Variants in LCA5 observed in about 807,000 individuals in gnomAD.
The protein encoded by LCA5 is lebercilin.
In LCA5, 37 loss-of-function variants were observed where a neutral mutation model predicts 53.0. The ratio of observed to expected loss-of-function variants is 0.70; its 90% CI spans 0.54 to 0.92. The LOEUF is 0.92. Ranked by LOEUF, LCA5 falls within the 40% of genes least tolerant of loss-of-function variation. The pLI is 0.00. For missense variants in LCA5, 806 were observed against 790.5 expected, an observed-to-expected ratio of 1.02 and a Z score of -0.23; for synonymous variants, 303 against 282.9, an observed-to-expected ratio of 1.07 and a Z score of -0.71.
At chr6:79,531,088 C>G (rs1766946562) in intron 1 of LCA5, among the ~76,000 whole-genome samples, 1 of 152,092 alleles carries the variant, frequency 6.6e-6, no homozygotes, top group Admixed American at 6.6e-5. Flanking sequence ...GGTCTAAGAT[C>G]AGAAAGCTCC....
At position 79,487,734 on chromosome 6, in the gene LCA5, T is replaced by C; in HGVS notation, c.1364A>G (p.Gln455Arg). 3 of 1,613,966 alleles carry C rather than the reference T, an allele frequency of 1.9e-6. No homozygotes were observed. The highest frequency in any genetic ancestry group is 1.7e-6 in the Non-Finnish European group (2 of 1,179,910). Residue 455 changes from glutamine (Q) to arginine (R), a missense_variant, in exon 8 of 8, where the codon CAA (glutamine) becomes CGA (arginine). Physicochemically the swap from Gln to Arg is conservative, Grantham distance 43 (BLOSUM62 1). Coordinates refer to ENST00000369846, the MANE Select transcript of LCA5 (RefSeq NM_001122769.3). ...MYPIQNMDKL[Q>R]GEEEERLKRE... The stretch of plus-strand genomic sequence containing the variant: ...CTTCAGTCTTTCTTCTTCCTCTCCT[T>C]GCAATTTATCCATATTCTGAATTGG...
At position 79,492,606 on chromosome 6, in the gene LCA5, A is replaced by T; in HGVS notation, c.900T>A (p.Asn300Lys). The part of the protein sequence containing the change: ...RELDIKNIYS[N>K]RLPKSSPNKE... ...TATTTGGAGAGGACTTTGGCAGACG[A>T]TTAGAATATATATTTTTTATATCCA... The change falls in exon 5 of 8, where the codon AAT (asparagine) becomes AAA (lysine). Residue 300 changes from asparagine (N) to lysine (K), a missense_variant. By Grantham distance (94) the Asn-to-Lys change is moderately conservative. Coordinates refer to ENST00000369846, the MANE Select transcript of LCA5 (RefSeq NM_001122769.3). 6.4e-7 allele frequency: 1 copy of T among 1,567,360 alleles called. No individual in the cohort carries two copies. Among genetic ancestry groups the T allele is most frequent in the Non-Finnish European group, 8.7e-7 (1 of 1,143,506 alleles).
chr6:79,521,368 A>T (rs1440496650), intron 1 of LCA5, among the ~76,000 whole-genome samples: 1 of 152,226 alleles, frequency 6.6e-6, no homozygotes, highest in Non-Finnish European at 1.5e-5. Context: ...AGTTCGAATG[A>T]CTTTAAAACA....
intron 6 of LCA5, among the ~76,000 whole-genome samples, chr6:79,490,407 C>T (rs548146086): frequency 6.6e-6 from 1 of 152,214 alleles, no homozygotes; most frequent in East Asian, 1.9e-4. Context: ...AGTCACACAA[C>T]TAAAATGTTA....
chr6:79,513,524 CA>C lies in LCA5; in HGVS notation c.407del (p.Leu136Ter), dbSNP rs866130991. On this transcript the variant is annotated frameshift_variant, in exon 3 of 8. Transcript: ENST00000369846. LOFTEE classifies it high-confidence loss of function. ...LAELLKENKSLKRLQYRQEKA... is the reference protein window; with the variant it reads ...LAELLKENKSXKRLQYRQEKA... ...TCTCCTGTCTGTACTGAAGCCTTTT[CA>C]AAGATTTATTTTCTTTTAGCAGCTC... is the stretch of plus-strand genomic sequence containing the variant. The C allele has an allele frequency of 6.2e-7, 1 of 1,613,720 alleles. No individual in the cohort carries two copies. Among genetic ancestry groups the C allele is most frequent in the African/African-American group, 1.3e-5 (1 of 74,894 alleles).
chr6:79,514,210 G>C (rs937385897), intron 2 of LCA5, among the ~76,000 whole-genome samples: 1 of 152,136 alleles, frequency 6.6e-6, no homozygotes, highest in African/African-American at 2.4e-5. Flanking sequence ...CTAATGATCA[G>C]TGATGTTGAG....
At chr6:79,512,584 T>C (rs1411160989) in intron 3 of LCA5, among the ~76,000 whole-genome samples, 1 of 152,080 alleles carries the variant, frequency 6.6e-6, no homozygotes, top group Non-Finnish European at 1.5e-5. Context: ...TTGTCAATTT[T>C]AAGCAACAGA....
chr6:79,490,781 T>A (rs1314043002), intron 6 of LCA5, among the ~76,000 whole-genome samples: 1 of 152,120 alleles, frequency 6.6e-6, no homozygotes, highest in Non-Finnish European at 1.5e-5. Context: ...GGGAAACTTA[T>A]AAGGTATAAA....
chr6:79,531,459 A>G (rs139248128), intron 1 of LCA5, among the ~76,000 whole-genome samples: 1 of 152,142 alleles, frequency 6.6e-6, no homozygotes, highest in Non-Finnish European at 1.5e-5. Flanking sequence ...CCAATTTTCC[A>G]ATAATTTTTT....
intron 1 of LCA5, among the ~76,000 whole-genome samples, chr6:79,520,960 C>G (rs1582647870): frequency 6.6e-6 from 1 of 152,290 alleles, no homozygotes; most frequent in Admixed American, 6.5e-5. Flanking sequence ...TAGGGTAGGG[C>G]TGTCCAACAG....
chr6:79,509,732 T>A (rs1392411312), intron 3 of LCA5, among the ~76,000 whole-genome samples: 1 of 152,098 alleles, frequency 6.6e-6, no homozygotes, highest in African/African-American at 2.4e-5. Flanking sequence ...ATTTTCTAAT[T>A]CAGTAAGAAT....
In LCA5 at chr6:79,491,825, T is replaced by G. The variant is rs542109018; in HGVS notation, c.956-95A>C. ...ATGTATATATATATATGCATGTGTG[T>G]TTGCATATACATGTACATTTATATG... On this transcript the variant is annotated intron_variant, in intron 5 of 7. Transcript: ENST00000369846. 285 of 1,039,412 alleles carry G rather than the reference T, an allele frequency of 2.7e-4. 6 individuals carry two copies. In the South Asian group the frequency reaches 2.9e-3, roughly 11 times the overall value. The allele number at this position is 1,039,412 out of a possible 1,614,324, so 64.4% of individuals were successfully genotyped here. A position where few individuals can be genotyped will look rare whatever the true frequency, so the allele number is the denominator to read the frequency against.
chr6:79,523,647 G>A (rs1259325756), intron 1 of LCA5, among the ~76,000 whole-genome samples: 1 of 152,228 alleles, frequency 6.6e-6, no homozygotes, highest in East Asian at 1.9e-4. Context: ...TTAAAAGTTG[G>A]TTACATGGTA....
At chr6:79,499,707 T>A (rs1230608466) in intron 3 of LCA5, among the ~76,000 whole-genome samples, 1 of 151,714 alleles carries the variant, frequency 6.6e-6, no homozygotes, top group African/African-American at 2.4e-5. Flanking sequence ...ATTTTATTAT[T>A]ATTATACTTT....
At chr6:79,490,207 T>C (rs541133904) in intron 6 of LCA5, among the ~76,000 whole-genome samples, 2 of 152,226 alleles carry the variant, frequency 1.3e-5, no homozygotes, top group East Asian at 1.9e-4. Flanking sequence ...GCTTGTACTC[T>C]AAGCTACCAT....
At chr6:79,520,847 C>A (rs1399806591) in intron 1 of LCA5, among the ~76,000 whole-genome samples, 1 of 152,130 alleles carries the variant, frequency 6.6e-6, no homozygotes, top group African/African-American at 2.4e-5. Context: ...AAAAAGCCTG[C>A]AGTATGCTAC....
chr6:79,511,738 A>T (rs768095409), intron 3 of LCA5, among the ~76,000 whole-genome samples: 8 of 152,136 alleles, frequency 5.3e-5, no homozygotes, highest in Non-Finnish European at 1.0e-4. Flanking sequence ...CTCAAAATAA[A>T]AATTTTAAAA....
At position 79,513,746 on chromosome 6, in the gene LCA5, A is replaced by G; in HGVS notation, c.191-5T>C. On this transcript the variant is annotated splice_polypyrimidine_tract_variant and splice_region_variant and intron_variant, in intron 2 of 7. Coordinates refer to ENST00000369846, the MANE Select transcript of LCA5 (RefSeq NM_001122769.3). ...TAGGGCTTGGTTTCCGAGGGGCTAA[A>G]AAAGAAACAGGAATAATGTAAAGTG... The G allele has an allele frequency of 6.2e-7, 1 of 1,613,190 alleles. No homozygotes were observed. Among genetic ancestry groups the G allele is most frequent in the Non-Finnish European group, 8.5e-7 (1 of 1,179,438 alleles).
chr6:79,522,198 A>G (rs1158668636), intron 1 of LCA5, among the ~76,000 whole-genome samples: 2 of 152,124 alleles, frequency 1.3e-5, no homozygotes, highest in East Asian at 3.8e-4. Context: ...TTCTTTATGG[A>G]ATTATTCTAG....
Sources: allele counts gnomAD v4.1 joint callset (sites outside exome capture counted in the v4.1 genomes callset), GRCh38; gene constraint gnomAD v4.1.1; transcripts MANE v1.5; gene names NCBI Gene and HGNC (gene_info 2026-07-23, HGNC 2026-07-21).